Variants in EYA1 observed in about 807,000 individuals in gnomAD.
The protein encoded by EYA1 is protein phosphatase EYA1.
A neutral mutation model predicts 82.0 loss-of-function variants in EYA1; 16 were observed. The ratio of observed to expected loss-of-function variants is 0.20; its 90% CI spans 0.13 to 0.30. EYA1 has a LOEUF of 0.30. Among genes scored for constraint, EYA1 ranks in the 10% least tolerant of loss-of-function variants. The probability of loss-of-function intolerance (pLI) is 1.00; values close to 1 mark genes in which losing one functional copy is unlikely to be tolerated. For missense variants in EYA1, 633 were observed against 730.7 expected, an observed-to-expected ratio of 0.87 and a Z score of 1.54; for synonymous variants, 261 against 264.4, an observed-to-expected ratio of 0.99 and a Z score of 0.12.
At chr8:71,493,141 C>G (rs1214540220) in intron 2 of EYA1, among the ~76,000 whole-genome samples, 1 of 152,194 alleles carries the variant, frequency 6.6e-6, no homozygotes, top group Non-Finnish European at 1.5e-5. Context: ...ATATGTACCA[C>G]ATTTTCTTTA....
chr8:71,284,744 T>C (rs1183185285), intron 9 of EYA1, among the ~76,000 whole-genome samples: 5 of 152,236 alleles, frequency 3.3e-5, no homozygotes, highest in African/African-American at 1.2e-4. Context: ...ATGGAAAGGA[T>C]ATCCTGTCAT....
At chr8:71,424,408 G>A (rs1365188753) in intron 2 of EYA1, among the ~76,000 whole-genome samples, 1 of 152,134 alleles carries the variant, frequency 6.6e-6, no homozygotes, top group African/African-American at 2.4e-5. Flanking sequence ...TAATACTGAG[G>A]TTTAAATATC....
intron 12 of EYA1, among the ~76,000 whole-genome samples, chr8:71,220,396 GA>G (rs1156362962): frequency 1.3e-5 from 2 of 152,176 alleles, no homozygotes. Flanking sequence ...GGAAGGGTCT[GA>G]GATGCCCAGG....
chr8:71,475,836 A>G (rs1809619007), intron 2 of EYA1, among the ~76,000 whole-genome samples: 1 of 152,188 alleles, frequency 6.6e-6, no homozygotes, highest in African/African-American at 2.4e-5. Context: ...ACCTCAAATT[A>G]TTATCCATTT....
At chr8:71,425,760 C>G (rs772231836) in intron 2 of EYA1, among the ~76,000 whole-genome samples, 2 of 152,070 alleles carry the variant, frequency 1.3e-5, no homozygotes, top group Non-Finnish European at 2.9e-5. Context: ...GAATCATGTC[C>G]CAGTATTCTA....
chr8:71,520,627 C>T (rs1403846978), intron 2 of EYA1, among the ~76,000 whole-genome samples: 3 of 152,034 alleles, frequency 2.0e-5, no homozygotes, highest in African/African-American at 4.8e-5. Context: ...AGAATCACAC[C>T]TCTGAGAAAG....
intron 9 of EYA1, among the ~76,000 whole-genome samples, chr8:71,277,911 A>C (rs1432703956): frequency 2.6e-5 from 4 of 152,260 alleles, no homozygotes; most frequent in African/African-American, 9.6e-5. Flanking sequence ...TTATATATTA[A>C]GTCATAAAAT....
intron 12 of EYA1, among the ~76,000 whole-genome samples, chr8:71,222,934 C>G (rs1321149113): frequency 1.3e-5 from 2 of 151,008 alleles, no homozygotes; most frequent in East Asian, 3.9e-4. Flanking sequence ...CTGACCTGTG[C>G]TCTGTGTCCG....
At chr8:71,503,981 C>T (rs936569994) in intron 2 of EYA1, among the ~76,000 whole-genome samples, 4 of 152,262 alleles carry the variant, frequency 2.6e-5, no homozygotes, top group East Asian at 1.9e-4. Context: ...CTACTCCTTA[C>T]AGGAGAGGCA....
chr8:71,276,304 T>A (rs1313336040), intron 9 of EYA1, among the ~76,000 whole-genome samples: 1 of 152,158 alleles, frequency 6.6e-6, no homozygotes, highest in Non-Finnish European at 1.5e-5. Context: ...GGCCCTCTTA[T>A]CCCACTGTAG....
intron 16 of EYA1, among the ~76,000 whole-genome samples, chr8:71,211,768 T>A (rs528295555): frequency 1.3e-5 from 2 of 152,196 alleles, no homozygotes; most frequent in Non-Finnish European, 2.9e-5. Context: ...AACGCAAACA[T>A]CGGAATTAGC....
chr8:71,501,707 G>A (rs930513120), intron 2 of EYA1, among the ~76,000 whole-genome samples: 3 of 152,120 alleles, frequency 2.0e-5, no homozygotes, highest in African/African-American at 4.8e-5. Flanking sequence ...ATCCTGCCTC[G>A]GCTACACAAA....
intron 2 of EYA1, among the ~76,000 whole-genome samples, chr8:71,458,346 A>G (rs543172593): frequency 2.0e-5 from 3 of 152,098 alleles, no homozygotes; most frequent in Non-Finnish European, 4.4e-5. Flanking sequence ...TGAAACATTC[A>G]TCATTCTTTA....
intron 1 of EYA1, among the ~76,000 whole-genome samples, chr8:71,544,889 TCATTC>T (rs1237148709): frequency 3.9e-5 from 6 of 152,238 alleles, no homozygotes; most frequent in Non-Finnish European, 8.8e-5. Context: ...TTTCTGCCTA[TCATTC>T]AGGCTCACTC....
chr8:71,369,238 A>G (rs1335972013), intron 2 of EYA1, among the ~76,000 whole-genome samples: 2 of 151,542 alleles, frequency 1.3e-5, no homozygotes, highest in Non-Finnish European at 2.9e-5. Context: ...TTAAAGCAGT[A>G]TATGGCAACA....
At chr8:71,253,011 A>T (rs557790008) in intron 11 of EYA1, among the ~76,000 whole-genome samples, 2 of 152,322 alleles carry the variant, frequency 1.3e-5, no homozygotes, top group Admixed American at 1.3e-4. Flanking sequence ...ATAAACAGGA[A>T]TTATTGACAT....
chr8:71,328,428 C>CA (rs1823417329), intron 4 of EYA1, among the ~76,000 whole-genome samples: 2 of 152,162 alleles, frequency 1.3e-5, no homozygotes, highest in African/African-American at 4.8e-5. Context: ...ATTCTTTCCG[C>CA]TGTATTCAAC....
intron 2 of EYA1, among the ~76,000 whole-genome samples, chr8:71,448,005 A>C (rs1807025456): frequency 1.1e-5 from 1 of 91,252 alleles, no homozygotes; most frequent in Non-Finnish European, 2.1e-5. Context: ...AAGCTGTTTA[A>C]GAGCTTTTTT....
At chr8:71,356,591 T>C in intron 1 of EYA1, 80 bp from the exon 2 acceptor site, 2 of 1,485,232 alleles carry the variant, frequency 1.3e-6, no homozygotes, top group Admixed American at 4.8e-5. Context: ...AGCACATGGC[T>C]GAGAACGACA....
Sources: gnomAD v4.1 joint callset for allele counts (sites outside exome capture counted in the v4.1 genomes callset) on GRCh38, gnomAD v4.1.1 for gene constraint, MANE v1.5 for transcripts, NCBI Gene and HGNC (gene_info 2026-07-23, HGNC 2026-07-21) for gene names.